MYO5A: variants seen among roughly 807,000 people sequenced by gnomAD.
MYO5A encodes unconventional myosin-Va.
MYO5A carries 98 observed loss-of-function variants against 249.7 expected under a neutral mutation model. The observed-to-expected ratio is 0.39, with a 90% CI of 0.33 to 0.46. The LOEUF is 0.46. Among genes scored for constraint, MYO5A ranks in the 20% least tolerant of loss-of-function variants. MYO5A has a pLI of 0.98. For missense variants in MYO5A, 1,696 were observed against 2,308.8 expected (o/e 0.73, Z 5.44); for synonymous variants, 778 against 810.6 (o/e 0.96, Z 0.68).
At chr15:52,357,745 G>A (rs1321050825) in intron 25 of MYO5A, among the ~76,000 whole-genome samples, 1 of 152,178 alleles carries the variant, frequency 6.6e-6, no homozygotes, top group Non-Finnish European at 1.5e-5. Flanking sequence ...TACCCCATGA[G>A]CAAGAAGGAA....
chr15:52,469,800 C>T (rs898531619), intron 1 of MYO5A, among the ~76,000 whole-genome samples: 4 of 152,170 alleles, frequency 2.6e-5, no homozygotes, highest in Non-Finnish European at 5.9e-5. Flanking sequence ...CCTGACACTG[C>T]TACTTCTGTA....
chr15:52,328,074 T>C (rs1326383477), intron 35 of MYO5A, 68 bp from the exon 36 acceptor site: 19 of 1,304,094 alleles, frequency 1.5e-5, no homozygotes, highest in Non-Finnish European at 2.0e-5. Flanking sequence ...TTGTGAGATA[T>C]AAAAACACAG....
intron 30 of MYO5A, among the ~76,000 whole-genome samples, chr15:52,344,222 T>C (rs1368246835): frequency 2.0e-5 from 3 of 152,226 alleles, no homozygotes; most frequent in Admixed American, 2.0e-4. Flanking sequence ...ATTGTATTAT[T>C]ATACTCTGAT....
chr15:52,388,545 A>C (rs2042068045), intron 13 of MYO5A, among the ~76,000 whole-genome samples: 1 of 152,210 alleles, frequency 6.6e-6, no homozygotes, highest in Non-Finnish European at 1.5e-5. Flanking sequence ...GAATTAGGGC[A>C]GACTTAGAAA....
At chr15:52,347,255 G>A (rs2039683950) in intron 29 of MYO5A, among the ~76,000 whole-genome samples, 1 of 151,966 alleles carries the variant, frequency 6.6e-6, no homozygotes, top group Non-Finnish European at 1.5e-5. Flanking sequence ...AATCACTGCT[G>A]GCAAACCACA....
At chr15:52,373,064 A>G (rs999017529) in intron 20 of MYO5A, among the ~76,000 whole-genome samples, 11 of 152,128 alleles carry the variant, frequency 7.2e-5, no homozygotes, top group African/African-American at 2.4e-4. Context: ...GCAAGGATCC[A>G]CTTTTGGGAT....
rs2038179382 is a variant in MYO5A, at chr15:52,319,176, G to A, written c.5118C>T (p.Asp1706=). ...TGACCACCTGCTTGATCAGTTCAGGGTCCATGCCATGCTGACACATGACCG... is the reference window on the plus strand; with the variant it reads ...TGACCACCTGCTTGATCAGTTCAGGATCCATGCCATGCTGACACATGACCG... ...FHSVMCQHGM[D]PELIKQVVKQ... Residue 1706 remains aspartate (D), a synonymous_variant, in exon 39 of 42, where the codon GAC becomes GAT. Transcript: ENST00000399233. 6.2e-7 allele frequency: 1 copy of A among 1,614,188 alleles called. No homozygotes were observed. Among genetic ancestry groups the A allele is most frequent in the African/African-American group, 1.3e-5 (1 of 75,054 alleles).
chr15:52,382,549 C>A lies in MYO5A; in HGVS notation c.2012+542G>T, dbSNP rs917627137. ...TCGCGTTATTGCACTCCAGCCAGGG[C>A]AAGAAGAGTGAAACTCTATCTCAAA... On this transcript the variant is annotated intron_variant, in intron 16 of 41. Transcript: ENST00000399233. 3.3e-5 allele frequency among the ~76,000 whole-genome samples: 5 copies of A among 152,112 alleles called. No individual in the cohort carries two copies. In the South Asian group the frequency reaches 1.0e-3, roughly 32 times the overall value.
At chr15:52,424,523 A>G (rs2075353628) in intron 4 of MYO5A, among the ~76,000 whole-genome samples, 1 of 152,182 alleles carries the variant, frequency 6.6e-6, no homozygotes, top group South Asian at 2.1e-4. Context: ...AGCTGCTATT[A>G]GAAGTATCCA....
chr15:52,322,214 G>A (rs2038363818), intron 37 of MYO5A, among the ~76,000 whole-genome samples: 2 of 152,204 alleles, frequency 1.3e-5, no homozygotes, highest in Admixed American at 1.3e-4. Context: ...CTTAATGACT[G>A]GTCCGAAAGT....
chr15:52,477,067 T>A (rs547326858), intron 1 of MYO5A, among the ~76,000 whole-genome samples: 1 of 152,250 alleles, frequency 6.6e-6, no homozygotes, highest in African/African-American at 2.4e-5. Flanking sequence ...CATAGTCCCA[T>A]ATTTCTTGGA....
At chr15:52,462,306 C>T (rs2076269051) in intron 1 of MYO5A, among the ~76,000 whole-genome samples, 1 of 151,458 alleles carries the variant, frequency 6.6e-6, no homozygotes, top group South Asian at 2.1e-4. Context: ...ACAATTTCTA[C>T]TTTGTGGCAT....
At chr15:52,427,794 A>G (rs543297299) in intron 3 of MYO5A, among the ~76,000 whole-genome samples, 38 of 152,262 alleles carry the variant, frequency 2.5e-4, no homozygotes, top group African/African-American at 8.9e-4. Context: ...GGAGAAAATA[A>G]AAGATAAGAA....
intron 3 of MYO5A, 36 bp from the exon 4 acceptor site, chr15:52,426,010 G>A: frequency 6.3e-7 from 1 of 1,585,644 alleles, no homozygotes. Context: ...AGAAAAAGAA[G>A]TCAATGATAC....
Position 52,318,797 on chromosome 15 carries a change from G to A in MYO5A, c.5234+263C>T, listed in dbSNP as rs533003168. Among the ~76,000 whole-genome samples, 3 of 152,284 alleles carry A rather than the reference G, an allele frequency of 2.0e-5. No individual in the cohort carries two copies. In the East Asian group the frequency reaches 5.8e-4, roughly 29 times the overall value. ...ATCATCTCTTCACTCCCCCAAATAA[G>A]CAAGCTTCACAGTGGAAAAGGGTTT... is the stretch of plus-strand genomic sequence containing the variant. On this transcript the variant is annotated intron_variant, in intron 39 of 41. Transcript: ENST00000399233.
intron 16 of MYO5A, among the ~76,000 whole-genome samples, chr15:52,381,782 T>TCTCTCTCA (rs11280608): frequency 2.5e-4 from 35 of 137,766 alleles, no homozygotes; most frequent in African/African-American, 4.2e-4. Flanking sequence ...TCTCTCTCTC[T>TCTCTCTCA]CACACACACA....
intron 9 of MYO5A, among the ~76,000 whole-genome samples, chr15:52,402,116 G>T (rs894480018): frequency 5.3e-5 from 8 of 152,200 alleles, no homozygotes; most frequent in African/African-American, 1.9e-4. Flanking sequence ...AAGTAGATTT[G>T]CAGTTGCTTC....
In MYO5A at chr15:52,356,723, T is replaced by TAA. The variant is rs533798990; in HGVS notation, c.3424-2711_3424-2710dup. 3.0e-5 allele frequency among the ~76,000 whole-genome samples: 4 copies of TAA among 134,116 alleles called. No homozygotes were observed. The East Asian group carries it at 6.3e-4, about 21-fold the overall frequency. 88.0% of individuals were successfully genotyped at this position (134,116 alleles called of 152,430 possible). A position where few individuals can be genotyped will look rare whatever the true frequency, so the allele number is the denominator to read the frequency against. On this transcript the variant is annotated intron_variant, in intron 25 of 41. Coordinates refer to ENST00000399233, the MANE Select transcript of MYO5A (RefSeq NM_001382347.1). ...CTTCAACAGTAGTAACCGTTATAAT[T>TAA]AAAAAAAAAAAAAAATTAGCTCAGT...
At chr15:52,389,632 T>TTTG (rs989395503) in intron 12 of MYO5A, among the ~76,000 whole-genome samples, 7 of 152,054 alleles carry the variant, frequency 4.6e-5, no homozygotes, top group Non-Finnish European at 8.8e-5. Context: ...ATCAAATAAA[T>TTTG]TTGTTGTTGT....
Sources: allele counts gnomAD v4.1 joint callset (sites outside exome capture counted in the v4.1 genomes callset), GRCh38; gene constraint gnomAD v4.1.1; transcripts MANE v1.5; gene names NCBI Gene and HGNC (gene_info 2026-07-23, HGNC 2026-07-21).